The following PCF11 variants were observed in gnomAD, a reference collection of about 807,000 sequenced individuals.
The protein encoded by PCF11 is pre-mRNA cleavage complex 2 protein Pcf11.
PCF11 carries 19 observed loss-of-function variants against 166.1 expected under a neutral mutation model. The observed-to-expected ratio is 0.11, with a 90% CI of 0.08 to 0.17. The LOEUF is 0.17. Among genes scored for constraint, PCF11 ranks in the 10% least tolerant of loss-of-function variants. PCF11 has a pLI of 1.00. For synonymous variants in PCF11, 663 were observed against 644.1 expected (o/e 1.03, Z -0.44); for missense variants, 1,565 against 1,855.5 (o/e 0.84, Z 2.88).
chr11:83,181,048 C>T lies in PCF11; in HGVS notation c.4024C>T (p.Gln1342Ter). ...TATAAATCGACTGTACACTGGTATT[C>T]AGTGTTACTCTTGTGGAATGAGGTT... is the stretch of plus-strand genomic sequence containing the variant. The change falls in exon 12 of 16, where the codon CAG becomes TAG. Residue 1342 changes from glutamine to a stop codon, truncating the protein, a stop_gained. Coordinates refer to ENST00000298281, the Ensembl canonical transcript of PCF11. LOFTEE classifies it high-confidence loss of function. 6.3e-7 allele frequency: 1 copy of T among 1,597,590 alleles called. No homozygotes were observed. The highest frequency in any genetic ancestry group is 8.6e-7 in the Non-Finnish European group (1 of 1,168,684).
At chr11:83,183,181 T>G (rs1484173133) in intron 15 of PCF11, 108 bp downstream of exon 15, 1 of 633,420 alleles carries the variant, frequency 1.6e-6, no homozygotes, top group East Asian at 3.1e-5. Flanking sequence ...CTTAATATAT[T>G]GAACTGTTTT....
At chr11:83,173,223 G>A (rs1001066171) in intron 9 of PCF11, among the ~76,000 whole-genome samples, 3 of 152,172 alleles carry the variant, frequency 2.0e-5, no homozygotes, top group African/African-American at 7.2e-5. Flanking sequence ...CTGGGAGGAC[G>A]AGGCAGGTGG....
chr11:83,168,751 T>A, exon 8 of PCF11: 1 of 1,613,758 alleles, frequency 6.2e-7, no homozygotes, highest in Non-Finnish European at 8.5e-7. Context: ...CCCTTTGAGA[T>A]TTGAGGGGCC....
chr11:83,166,378 C>A, exon 5 of PCF11: 1 of 1,613,860 alleles, frequency 6.2e-7, no homozygotes, highest in Non-Finnish European at 8.5e-7. Context: ...ATTATACATT[C>A]CCCAAAGAGA....
rs142173500 is a variant in PCF11 at position 83,166,910 on chromosome 11, A to G, written c.1817+196A>G. ...AACTGAAGTTTAGAAAGGTTAACTAATCTACCTAAGGCTGCAGTCCAGGAC... is the reference window on the plus strand; with the variant it reads ...AACTGAAGTTTAGAAAGGTTAACTAGTCTACCTAAGGCTGCAGTCCAGGAC... On this transcript the variant is annotated intron_variant, in intron 5 of 15. Coordinates refer to ENST00000298281, the Ensembl canonical transcript of PCF11. Among the ~76,000 whole-genome samples the G allele has an allele frequency of 2.9e-3, 441 of 152,306 alleles. 1 individual carries two copies. Among genetic ancestry groups the G allele is most frequent in the African/African-American group, 0.01 (425 of 41,562 alleles).
rs766682063 is a variant in PCF11, at chr11:83,165,929, A to G, written c.1032A>G (p.Glu344=). 4 of 1,608,826 alleles carry G rather than the reference A, an allele frequency of 2.5e-6. No homozygotes were observed. In the South Asian group the frequency reaches 3.3e-5, roughly 13 times the overall value. Residue 344 remains glutamate (E), a synonymous_variant, in exon 5 of 16, where the codon GAA becomes GAG. Coordinates refer to ENST00000298281, the Ensembl canonical transcript of PCF11. ...AAAAACTAAATTCATCCAAGCAAGA[A>G]AAAAGTAAATCAGGTGAAAAAATAA...
At chr11:83,159,545 C>T (rs1157778201) in intron 1 of PCF11, among the ~76,000 whole-genome samples, 2 of 152,020 alleles carry the variant, frequency 1.3e-5, no homozygotes, top group Non-Finnish European at 2.9e-5. Context: ...GTTTGTATAT[C>T]GCTACACAGT....
At chr11:83,168,997 G>A in exon 8 of PCF11, 2 of 1,613,830 alleles carry the variant, frequency 1.2e-6, no homozygotes, top group Non-Finnish European at 1.7e-6. Context: ...ACCTGTGGGT[G>A]GTCTAAGGTT....
chr11:83,167,860 A>C lies in PCF11; in HGVS notation c.2092+355A>C. On this transcript the variant is annotated intron_variant, in intron 7 of 15. Transcript: ENST00000298281. This position sits in a 1 kb window ranked among gnomAD's most constrained non-coding sequence, Gnocchi z 4.2. ...TATGCTGAGAATCTTTCACCCCATG[A>C]GGGCCGGAGAAGACATGACGAGCAA... The C allele has an allele frequency of 7.6e-7, 1 of 1,311,634 alleles. No individual in the cohort carries two copies. Among genetic ancestry groups the C allele is most frequent in the Non-Finnish European group, 1.0e-6 (1 of 1,003,894 alleles). The allele number at this position is 1,311,634 out of a possible 1,614,324, so 81.2% of individuals were successfully genotyped here.
chr11:83,168,977 A>G (rs766765107), exon 8 of PCF11: 1 of 1,613,384 alleles, frequency 6.2e-7, no homozygotes, highest in Non-Finnish European at 8.5e-7. Flanking sequence ...TTTGAGGGAC[A>G]TCGTGGTCAA....
At chr11:83,157,466 C>T (rs764735067) in exon 1 of PCF11, 1 of 1,612,100 alleles carries the variant, frequency 6.2e-7, no homozygotes, top group Non-Finnish European at 8.5e-7. Context: ...CGGCCGAGGC[C>T]GGTGCTGCGG....
chr11:83,176,308 C>A (rs143648822), intron 9 of PCF11, among the ~76,000 whole-genome samples: 225 of 152,248 alleles, frequency 1.5e-3, no homozygotes, highest in African/African-American at 5.2e-3. Flanking sequence ...ACTAGAAATA[C>A]TATTTGACCC....
At chr11:83,158,376 G>T (rs1183735778) in intron 1 of PCF11, 2 of 152,242 alleles carry the variant, frequency 1.3e-5, no homozygotes, top group Admixed American at 6.5e-5. Flanking sequence ...TGTAGGTGGA[G>T]AACTGGCCCA....
chr11:83,173,552 T>C (rs1331338839), intron 9 of PCF11, among the ~76,000 whole-genome samples: 6 of 150,388 alleles, frequency 4.0e-5, no homozygotes, highest in African/African-American at 7.3e-5. Flanking sequence ...TCAAATGATA[T>C]AGTATATGCA....
chr11:83,182,272 G>C, intron 13 of PCF11, 127 bp from the exon 14 acceptor site: 1 of 623,746 alleles, frequency 1.6e-6, no homozygotes, highest in Non-Finnish European at 2.8e-6. Flanking sequence ...CTGTATATTG[G>C]ACATTATTCA....
intron 1 of PCF11, 75 bp from the exon 2 acceptor site, chr11:83,161,252 G>A (rs1003956466): frequency 2.4e-6 from 3 of 1,231,246 alleles, no homozygotes; most frequent in African/African-American, 3.1e-5. Context: ...TGTATTGTAG[G>A]TTTAAAAACT....
At chr11:83,160,060 C>G (rs1006041842) in intron 1 of PCF11, among the ~76,000 whole-genome samples, 2 of 152,136 alleles carry the variant, frequency 1.3e-5, no homozygotes, top group Non-Finnish European at 2.9e-5. Context: ...AGTGGGTGAA[C>G]CCTTTTATTA....
chr11:83,175,483 A>G (rs11233504), intron 9 of PCF11, among the ~76,000 whole-genome samples: 69,970 of 151,812 alleles, frequency 0.46, 18,191 homozygotes, highest in African/African-American at 0.71. Context: ...CGGGCACTGT[A>G]GCTCACACCT....
intron 4 of PCF11, among the ~76,000 whole-genome samples, chr11:83,164,714 C>CAA (rs897532681): frequency 6.5e-5 from 9 of 138,268 alleles, no homozygotes; most frequent in African/African-American, 2.1e-4. Context: ...GAGGCCCTAC[C>CAA]AAAAAAAAAA....
Sources: allele counts gnomAD v4.1 joint callset (sites outside exome capture counted in the v4.1 genomes callset), GRCh38; gene constraint gnomAD v4.1.1; non-coding constraint Gnocchi (gnomAD v3.1); transcripts MANE v1.5; gene names NCBI Gene and HGNC (gene_info 2026-07-23, HGNC 2026-07-21).